AGAP1: variants seen among roughly 807,000 people sequenced by gnomAD.
AGAP1 encodes arf-GAP with GTPase, ANK repeat and PH domain-containing protein 1.
A neutral mutation model predicts 105.3 loss-of-function variants in AGAP1; 29 were observed. The observed-to-expected ratio is 0.28, with a 90% confidence interval of 0.21 to 0.38. The LOEUF (loss-of-function observed/expected upper bound fraction) is 0.38, where lower values mean the gene tolerates loss of function less well. Ranked by LOEUF, AGAP1 falls within the 10% of genes least tolerant of loss-of-function variation. AGAP1 has a pLI of 1.00. For missense variants in AGAP1, 998 were observed against 1,165.1 expected (o/e 0.86, Z 2.09); for synonymous variants, 509 against 485.9 (o/e 1.05, Z -0.63).
At chr2:235,898,174 C>T (rs1024421206) in intron 10 of AGAP1, among the ~76,000 whole-genome samples, 5 of 152,278 alleles carry the variant, frequency 3.3e-5, no homozygotes, top group East Asian at 1.9e-4. Context: ...AGTCCTGCCC[C>T]GCAGGGCACT....
intron 9 of AGAP1, among the ~76,000 whole-genome samples, chr2:235,822,155 G>T (rs375798369): frequency 1.1e-4 from 16 of 152,162 alleles, no homozygotes; most frequent in South Asian, 8.3e-4. Context: ...ATACTTTGAG[G>T]CTGTGCTGAT....
chr2:235,872,877 A>G lies in AGAP1; in HGVS notation c.1051-10468A>G, dbSNP rs1441112944. ...ACTTGCTTTGGGAAGAGTGTGGACT[A>G]AGAAGGGGCTTGGCTTGTGTTGCCA... On this transcript the variant is annotated intron_variant, in intron 9 of 17. Coordinates refer to ENST00000304032, the MANE Select transcript of AGAP1 (RefSeq NM_001037131.3). This position sits in a 1 kb window ranked among gnomAD's most constrained non-coding sequence, Gnocchi z 4.5. 6.6e-6 allele frequency among the ~76,000 whole-genome samples: 1 copy of G among 152,168 alleles called. No individual in the cohort carries two copies. Among genetic ancestry groups the G allele is most frequent in the Non-Finnish European group, 1.5e-5 (1 of 68,032 alleles).
rs1307065013 is a variant in AGAP1, at chr2:235,631,705, CA to C, written c.164-77473del. On this transcript the variant is annotated intron_variant, in intron 1 of 17. Transcript: ENST00000304032. The surrounding 1 kb of genome is among the most constrained non-coding windows in gnomAD (Gnocchi z 5.4). ...GCACGGGGGATAGCAGTATCTGCTT[CA>C]CATGGTCAGAAAATTCTGTGAGGTG... Among the ~76,000 whole-genome samples, 1 of 152,244 alleles carries C rather than the reference CA, an allele frequency of 6.6e-6. No individual in the cohort carries two copies. Among genetic ancestry groups the C allele is most frequent in the African/African-American group, 2.4e-5 (1 of 41,466 alleles).
At chr2:235,504,024 G>C (rs1941678374) in intron 1 of AGAP1, among the ~76,000 whole-genome samples, 1 of 152,162 alleles carries the variant, frequency 6.6e-6, no homozygotes, top group South Asian at 2.1e-4. Flanking sequence ...TGGGACCACA[G>C]GCACGCACCA....
At chr2:235,560,290 A>G (rs1280334520) in intron 1 of AGAP1, among the ~76,000 whole-genome samples, 2 of 151,788 alleles carry the variant, frequency 1.3e-5, no homozygotes, top group Non-Finnish European at 2.9e-5. Context: ...AGATCATTTG[A>G]TTGATTTTCT....
rs1438925712 is a variant in AGAP1, at chr2:235,714,817, G to A, written c.223-2740G>A. Reference sequence around the variant, plus strand: ...TTTGTTGTTGTTTTTGTTTTGTTTTGAGACAGAGTCTCGCTCTGTCACCCA... The same window carrying A: ...TTTGTTGTTGTTTTTGTTTTGTTTTAAGACAGAGTCTCGCTCTGTCACCCA... On this transcript the variant is annotated intron_variant, in intron 2 of 17. Transcript: ENST00000304032. This position sits in a 1 kb window ranked among gnomAD's most constrained non-coding sequence, Gnocchi z 4.1. Among the ~76,000 whole-genome samples the A allele has an allele frequency of 2.6e-5, 4 of 152,006 alleles. No homozygotes were observed. The highest frequency in any genetic ancestry group is 5.9e-5 in the Non-Finnish European group (4 of 68,000).
chr2:236,073,904 C>A lies in AGAP1; in HGVS notation c.2114+24623C>A, dbSNP rs140293595. Among the ~76,000 whole-genome samples the A allele has an allele frequency of 1.3e-5, 2 of 151,274 alleles. No homozygotes were observed. The highest frequency in any genetic ancestry group is 4.8e-5 in the African/African-American group (2 of 41,488). ...GCTGGTTGGCCTGGGCATGCCCCTC[C>A]CCCCAAGCATTTCCGCTGCACATCC... On this transcript the variant is annotated intron_variant, in intron 16 of 17. Coordinates refer to ENST00000304032, the MANE Select transcript of AGAP1 (RefSeq NM_001037131.3). The surrounding 1 kb of genome is among the most constrained non-coding windows in gnomAD (Gnocchi z 5.4).
chr2:236,031,184 C>T (rs918209365), intron 13 of AGAP1, among the ~76,000 whole-genome samples: 4 of 152,096 alleles, frequency 2.6e-5, no homozygotes, highest in Non-Finnish European at 5.9e-5. Context: ...TAGGAAGTGA[C>T]TCTCTAAGCT....
chr2:236,084,473 A>G (rs1476669789), intron 16 of AGAP1, among the ~76,000 whole-genome samples: 1 of 152,192 alleles, frequency 6.6e-6, no homozygotes, highest in Non-Finnish European at 1.5e-5. Context: ...GTGTATTTCT[A>G]GTTCTTAAAG....
rs1042575318 is a variant in AGAP1, at chr2:236,001,797, C to T, written c.1645+33174C>T. 6.6e-6 allele frequency among the ~76,000 whole-genome samples: 1 copy of T among 152,218 alleles called. No individual in the cohort carries two copies. The highest frequency in any genetic ancestry group is 2.4e-5 in the African/African-American group (1 of 41,456). On this transcript the variant is annotated intron_variant, in intron 13 of 17. Transcript: ENST00000304032. The surrounding 1 kb of genome is among the most constrained non-coding windows in gnomAD (Gnocchi z 4.7). ...GTTCTTCCACAAGCTGTTTGAAAGG[C>T]CACAGGGCACTGCGTGGAATGCGTG...
rs564671474 is a variant in AGAP1 at position 235,566,726 on chromosome 2, G to A, written c.163+71877G>A. On this transcript the variant is annotated intron_variant, in intron 1 of 17. Coordinates refer to ENST00000304032, the MANE Select transcript of AGAP1 (RefSeq NM_001037131.3). The surrounding 1 kb of genome is among the most constrained non-coding windows in gnomAD (Gnocchi z 5.2). Reference sequence around the variant, plus strand: ...CATATTCAGGCAGGAAGTTGTTGGGGTTAACATGAGTGGACCCTAGATTTC... The same window carrying A: ...CATATTCAGGCAGGAAGTTGTTGGGATTAACATGAGTGGACCCTAGATTTC... 3.0e-5 allele frequency: 16 copies of A among 540,202 alleles called. No individual in the cohort carries two copies. In the South Asian group the frequency reaches 1.0e-3, roughly 35 times the overall value. The allele number at this position is 540,202 out of a possible 1,614,324, so 33.5% of individuals were successfully genotyped here.
intron 1 of AGAP1, among the ~76,000 whole-genome samples, chr2:235,684,933 A>C (rs1270017965): frequency 6.6e-6 from 1 of 152,122 alleles, no homozygotes; most frequent in South Asian, 2.1e-4. Context: ...ACTGTGGCAT[A>C]CAAGTCACCA....
At position 235,660,129 on chromosome 2, in the gene AGAP1, G is replaced by A. The variant is rs763224796; in HGVS notation, c.164-49050G>A. Among the ~76,000 whole-genome samples, 3 of 152,210 alleles carry A rather than the reference G, an allele frequency of 2.0e-5. No homozygotes were observed. The highest frequency in any genetic ancestry group is 4.4e-5 in the Non-Finnish European group (3 of 68,034). ...CTGTGTTTTCATGTTTTCCACCAAG[G>A]GAGGGAGGGACAGGCTTTCTCAGGG... On this transcript the variant is annotated intron_variant, in intron 1 of 17. Coordinates refer to ENST00000304032, the MANE Select transcript of AGAP1 (RefSeq NM_001037131.3). This position sits in a 1 kb window ranked among gnomAD's most constrained non-coding sequence, Gnocchi z 5.3.
Position 236,045,296 on chromosome 2 carries a change from G to A in AGAP1, c.1892-3763G>A, listed in dbSNP as rs73125503. Among the ~76,000 whole-genome samples the A allele has an allele frequency of 1.5e-3, 227 of 152,240 alleles. 1 individual carries two copies. Among genetic ancestry groups the A allele is most frequent in the African/African-American group, 5.2e-3 (216 of 41,544 alleles). ...TTTCTGTGGGCAGGGATTTTTCTCC[G>A]TTTTGTTCACTGCTGTATCCCCAGA... On this transcript the variant is annotated intron_variant, in intron 15 of 17. Transcript: ENST00000304032. The surrounding 1 kb of genome is among the most constrained non-coding windows in gnomAD (Gnocchi z 6.9).
intron 1 of AGAP1, among the ~76,000 whole-genome samples, chr2:235,513,980 A>G (rs1485919494): frequency 1.3e-5 from 2 of 152,168 alleles, no homozygotes; most frequent in East Asian, 1.9e-4. Flanking sequence ...TTCAAGTTTT[A>G]ACAGTTTGAT....
chr2:235,637,431 C>G (rs939341440), intron 1 of AGAP1, among the ~76,000 whole-genome samples: 1 of 151,466 alleles, frequency 6.6e-6, no homozygotes, highest in African/African-American at 2.4e-5. Flanking sequence ...TGCCACCATG[C>G]CTAGCTAATT....
chr2:235,748,786 G>T (rs1009585069), intron 5 of AGAP1, among the ~76,000 whole-genome samples: 4 of 152,218 alleles, frequency 2.6e-5, no homozygotes, highest in Admixed American at 6.5e-5. Context: ...TCGCTCTGTT[G>T]TATAACTTTG....
chr2:235,984,960 A>C (rs556914015), intron 13 of AGAP1, among the ~76,000 whole-genome samples: 1 of 152,324 alleles, frequency 6.6e-6, no homozygotes, highest in Non-Finnish European at 1.5e-5. Context: ...TCCTTTGGGT[A>C]TATACCTAGT....
intron 10 of AGAP1, among the ~76,000 whole-genome samples, chr2:235,894,543 A>G (rs1296357652): frequency 6.6e-6 from 1 of 152,142 alleles, no homozygotes; most frequent in South Asian, 2.1e-4. Flanking sequence ...CAGAAAATGG[A>G]TGTGAAAATG....
Sources: allele counts gnomAD v4.1 joint callset (sites outside exome capture counted in the v4.1 genomes callset), GRCh38; gene constraint gnomAD v4.1.1; non-coding constraint Gnocchi (gnomAD v3.1); transcripts MANE v1.5; gene names NCBI Gene and HGNC (gene_info 2026-07-23, HGNC 2026-07-21).